CREBBP: variants seen among roughly 807,000 people sequenced by gnomAD.
The protein encoded by CREBBP is CREB-binding protein.
In CREBBP, 19 loss-of-function variants were observed where a neutral mutation model predicts 265.0. That is an observed-to-expected ratio of 0.07 (90% confidence interval 0.05 to 0.11). The LOEUF is 0.11. CREBBP is among the 10% of genes least tolerant of loss of function. The probability of loss-of-function intolerance (pLI) is 1.00; values close to 1 mark genes in which losing one functional copy is unlikely to be tolerated. For missense variants in CREBBP, 2,525 were observed against 3,219.0 expected, an observed-to-expected ratio of 0.78 and a Z score of 5.22; for synonymous variants, 1,457 against 1,223.7, an observed-to-expected ratio of 1.19 and a Z score of -3.98.
intron 1 of CREBBP, among the ~76,000 whole-genome samples, chr16:3,871,189 T>A (rs2055288671): frequency 3.8e-5 from 2 of 52,702 alleles, no homozygotes; most frequent in Non-Finnish European, 9.4e-5. Context: ...TCTCTCTCTC[T>A]CTCTCTCACT....
rs1021938849 is a variant in CREBBP, at chr16:3,835,576, CT to C, written c.798+14720del. ...CAAAAATGCTCACAGAAGATTTCTT[CT>C]TTTTTTTTTTTTTTTTTTTTGAGAC... On this transcript the variant is annotated intron_variant, in intron 2 of 30. Coordinates refer to ENST00000262367, the MANE Select transcript of CREBBP (RefSeq NM_004380.3). Among the ~76,000 whole-genome samples, 415 of 117,452 alleles carry C rather than the reference CT, an allele frequency of 3.5e-3. 1 individual carries two copies. The highest frequency in any genetic ancestry group is 0.018 in the Middle Eastern group (4 of 218). 77.1% of individuals were successfully genotyped at this position (117,452 alleles called of 152,430 possible).
At chr16:3,734,427 C>T (rs2151324434) in intron 28 of CREBBP, among the ~76,000 whole-genome samples, 1 of 152,290 alleles carries the variant, frequency 6.6e-6, no homozygotes, top group South Asian at 2.1e-4. Context: ...AAGGCTGCCC[C>T]AGCAGGAGCC....
chr16:3,729,474 C>T lies in CREBBP; in HGVS notation c.5573G>A (p.Arg1858His), dbSNP rs770325046. 3 of 1,614,094 alleles carry T rather than the reference C, an allele frequency of 1.9e-6. No individual in the cohort carries two copies. The highest frequency in any genetic ancestry group is 1.1e-5 in the South Asian group (1 of 91,082). ...HKLRQQQIQH[R>H]LQQAQLMRRR... ...GCGCATGAGCTGGGCCTGCTGCAGG[C>T]GGTGCTGGATCTGCTGCTGGCGGAG... The change falls in exon 31 of 31, where the codon CGC (arginine) becomes CAC (histidine). Residue 1858 changes from arginine to histidine, a missense_variant. Physicochemically the swap from Arg to His is conservative, Grantham distance 29 (BLOSUM62 0). Coordinates refer to ENST00000262367, the MANE Select transcript of CREBBP (RefSeq NM_004380.3).
intron 2 of CREBBP, among the ~76,000 whole-genome samples, chr16:3,843,097 A>ATTT (rs1204098283): frequency 6.6e-6 from 1 of 152,122 alleles, no homozygotes; most frequent in Non-Finnish European, 1.5e-5. Flanking sequence ...ATTAGATGAA[A>ATTT]AGAATTTTCT....
intron 2 of CREBBP, among the ~76,000 whole-genome samples, chr16:3,819,230 T>A (rs1481383232): frequency 1.3e-5 from 2 of 152,376 alleles, no homozygotes; most frequent in East Asian, 3.9e-4. Context: ...GATATCTGAA[T>A]GGCGACTCCA....
intron 3 of CREBBP, among the ~76,000 whole-genome samples, chr16:3,796,052 C>T (rs1270660648): frequency 1.3e-5 from 2 of 152,074 alleles, no homozygotes; most frequent in Non-Finnish European, 2.9e-5. Context: ...TGTATCTTCC[C>T]TTTTTTTACT....
intron 5 of CREBBP, among the ~76,000 whole-genome samples, chr16:3,787,039 C>G (rs959754757): frequency 9.4e-5 from 14 of 149,448 alleles, no homozygotes; most frequent in African/African-American, 3.3e-4. Context: ...CCACTGCACT[C>G]TAGCCTGGGC....
intron 16 of CREBBP, among the ~76,000 whole-genome samples, chr16:3,763,670 G>T (rs1443525240): frequency 6.6e-6 from 1 of 151,292 alleles, no homozygotes; most frequent in African/African-American, 2.4e-5. Flanking sequence ...CGCCATGTTG[G>T]CCAGGCTGGT....
At chr16:3,876,996 C>T (rs1459101212) in intron 1 of CREBBP, among the ~76,000 whole-genome samples, 1 of 152,198 alleles carries the variant, frequency 6.6e-6, no homozygotes, top group Non-Finnish European at 1.5e-5. Flanking sequence ...CCTTCACAGA[C>T]ACATCTAAGT....
intron 28 of CREBBP, among the ~76,000 whole-genome samples, chr16:3,734,620 G>A (rs1362690278): frequency 3.9e-5 from 6 of 152,170 alleles, no homozygotes; most frequent in East Asian, 1.9e-4. Flanking sequence ...ACACTCCAGC[G>A]GGAGCAAGTC....
chr16:3,875,878 C>T (rs555733845), intron 1 of CREBBP, among the ~76,000 whole-genome samples: 3 of 152,254 alleles, frequency 2.0e-5, no homozygotes, highest in South Asian at 4.1e-4. Flanking sequence ...CATAACAGAC[C>T]ATTTGGTTGA....
At chr16:3,835,069 G>C (rs1355180995) in intron 2 of CREBBP, among the ~76,000 whole-genome samples, 1 of 152,164 alleles carries the variant, frequency 6.6e-6, no homozygotes, top group African/African-American at 2.4e-5. Flanking sequence ...TGAGGCAGGA[G>C]AATGGCATGA....
At chr16:3,856,971 G>C (rs1403206432) in intron 1 of CREBBP, among the ~76,000 whole-genome samples, 1 of 152,136 alleles carries the variant, frequency 6.6e-6, no homozygotes, top group African/African-American at 2.4e-5. Context: ...AATGGGAACA[G>C]AACAGCTGGA....
At chr16:3,736,301 T>TGA in intron 27 of CREBBP, 98 bp from the exon 28 acceptor site, 1 of 1,272,186 alleles carries the variant, frequency 7.9e-7, no homozygotes, top group Non-Finnish European at 1.1e-6. Context: ...CTCACCATGG[T>TGA]GTGGCAGAGT....
rs130003 is a variant in CREBBP at position 3,778,171 on chromosome 16, A to G, written c.1953T>C (p.Tyr651=). The G allele has an allele frequency of 0.019, 31,147 of 1,604,394 alleles. 412 individuals carry two copies. Among genetic ancestry groups the G allele is most frequent in the Middle Eastern group, 0.026 (156 of 6,020 alleles). The change falls in exon 10 of 31, where the codon TAT becomes TAC. Residue 651 remains tyrosine, a synonymous_variant. Transcript: ENST00000262367. ...TGTAGATTTTCTCTGCTAATAAGTG[A>G]TAATATTCATCCTAAAAAGCAATAA... ...YESANSRDEY[Y]HLLAEKIYKI...
chr16:3,786,675 G>A (rs1305651326), intron 5 of CREBBP, among the ~76,000 whole-genome samples: 2 of 152,166 alleles, frequency 1.3e-5, no homozygotes, highest in African/African-American at 2.4e-5. Flanking sequence ...TTGTGTATGG[G>A]GAAGGCCAGC....
chr16:3,812,915 TCA>T (rs1252848982), intron 2 of CREBBP: 1 of 204,284 alleles, frequency 4.9e-6, no homozygotes, highest in Non-Finnish European at 1.0e-5. Flanking sequence ...AAATCATAGC[TCA>T]GTTCTCTCCA....
chr16:3,812,054 G>C (rs1393218322), intron 2 of CREBBP, among the ~76,000 whole-genome samples: 1 of 152,030 alleles, frequency 6.6e-6, no homozygotes, highest in Non-Finnish European at 1.5e-5. Context: ...GCAGGAGGAG[G>C]TGGCAGGAAA....
At chr16:3,830,287 A>G (rs2141410962) in intron 2 of CREBBP, among the ~76,000 whole-genome samples, 1 of 152,228 alleles carries the variant, frequency 6.6e-6, no homozygotes, top group African/African-American at 2.4e-5. Context: ...GGTTCCAGCT[A>G]CTCAGGAGGC....
Sources: allele counts gnomAD v4.1 joint callset (sites outside exome capture counted in the v4.1 genomes callset), GRCh38; gene constraint gnomAD v4.1.1; transcripts MANE v1.5; gene names NCBI Gene and HGNC (gene_info 2026-07-23, HGNC 2026-07-21).